KCNJ8: variants seen among roughly 807,000 people sequenced by gnomAD.
KCNJ8 encodes the protein potassium inwardly rectifying channel subfamily J member 8, also known as ATP-sensitive inward rectifier potassium channel 8.
Under a neutral mutation model 28.2 loss-of-function variants are expected in KCNJ8, and 13 were observed. The observed-to-expected ratio is 0.46, with a 90% confidence interval of 0.30 to 0.73. The LOEUF is 0.73. Ranked by LOEUF, KCNJ8 falls within the 30% of genes least tolerant of loss-of-function variation. The probability of loss-of-function intolerance (pLI) is 0.07; values close to 1 mark genes in which losing one functional copy is unlikely to be tolerated. For missense variants in KCNJ8, 284 were observed against 542.6 expected (o/e 0.52, Z 4.73); for synonymous variants, 188 against 195.9 (o/e 0.96, Z 0.34).
intron 2 of KCNJ8, among the ~76,000 whole-genome samples, chr12:21,770,687 C>T (rs1040287856): frequency 1.3e-5 from 2 of 152,304 alleles, no homozygotes; most frequent in East Asian, 3.9e-4. Flanking sequence ...TGATTTACTC[C>T]CATATGGGAA....
Position 21,765,802 on chromosome 12 carries a change from C to T in KCNJ8, c.1196G>A (p.Arg399Gln), listed in dbSNP as rs142014286. The T allele has an allele frequency of 7.4e-6, 12 of 1,613,898 alleles. No individual in the cohort carries two copies. Among genetic ancestry groups the T allele is most frequent in the African/African-American group, 5.3e-5 (4 of 74,902 alleles). ...NNSMRRNNSI[R>Q]RNNSSLMVPK... ...TACCATGAGGGAAGAATTGTTCCTT[C>T]GGATAGAATTGTTCCTCCTCATGGA... Residue 399 changes from arginine (R) to glutamine (Q), a missense_variant, in exon 3 of 3, where the codon CGA becomes CAA. Arg to Gln is a conservative substitution (Grantham distance 43). This residue lies in a region of KCNJ8 where 50 missense variants were observed against 55.9 expected (regional missense o/e 0.90). Coordinates refer to ENST00000240662, the MANE Select transcript of KCNJ8 (RefSeq NM_004982.4).
At position 21,773,348 on chromosome 12, in the gene KCNJ8, A is replaced by G; in HGVS notation, c.269T>C (p.Met90Thr). Residue 90 changes from methionine to threonine, a missense_variant, in exon 2 of 3, where the codon ATG becomes ACG. By Grantham distance (81) the Met-to-Thr change is moderately conservative (BLOSUM62 -1). Around this residue, in one of 8 missense-constraint regions of KCNJ8, gnomAD observed 42 missense variants for 50.9 expected, o/e 0.83. Coordinates refer to ENST00000240662, the MANE Select transcript of KCNJ8 (RefSeq NM_004982.4). The surrounding 1 kb of genome is among the most constrained non-coding windows in gnomAD (Gnocchi z 4.6). Reference protein sequence around the residue: ...FLCSWLLFAIMWWLVAFAHGD... With the variant: ...FLCSWLLFAITWWLVAFAHGD... ...ATGGGCAAAGGCCACCAGCCACCACATGATAGCGAAGAGCAGCCAGCTGCA... is the reference window on the plus strand; with the variant it reads ...ATGGGCAAAGGCCACCAGCCACCACGTGATAGCGAAGAGCAGCCAGCTGCA... 4 of 1,614,238 alleles carry G rather than the reference A, an allele frequency of 2.5e-6. No individual in the cohort carries two copies. The highest frequency in any genetic ancestry group is 2.2e-5 in the East Asian group (1 of 44,876).
intron 2 of KCNJ8, among the ~76,000 whole-genome samples, chr12:21,767,130 C>A (rs964560069): frequency 6.6e-6 from 1 of 152,040 alleles, no homozygotes; most frequent in Admixed American, 6.6e-5. Flanking sequence ...TCTTTAAAAT[C>A]ATATTCATTA....
chr12:21,773,162 AAC>A lies in KCNJ8; in HGVS notation c.374+79_374+80del, dbSNP rs1940800150. The A allele has an allele frequency of 2.7e-6, 4 of 1,481,186 alleles. No individual in the cohort carries two copies. The highest frequency in any genetic ancestry group is 3.7e-6 in the Non-Finnish European group (4 of 1,071,348). 91.8% of individuals were successfully genotyped at this position (1,481,186 alleles called of 1,614,324 possible). A position where few individuals can be genotyped will look rare whatever the true frequency, so the allele number is the denominator to read the frequency against. ...CCCTTTATTTCACTTTCAATTAAAT[AAC>A]AGAATGATAAGAGAAAGGGCATTTT... On this transcript the variant is annotated intron_variant, in intron 2 of 2. Transcript: ENST00000240662. The surrounding 1 kb of genome is among the most constrained non-coding windows in gnomAD (Gnocchi z 4.6).
intron 2 of KCNJ8, among the ~76,000 whole-genome samples, chr12:21,770,355 A>T (rs1396837333): frequency 6.6e-6 from 1 of 152,240 alleles, no homozygotes; most frequent in Non-Finnish European, 1.5e-5. Context: ...TTACAATATA[A>T]TATAAATGTT....
chr12:21,773,757 A>T lies in KCNJ8; in HGVS notation c.-70-71T>A. ...CCTCACCTCTTGGGTCCTTGTATTC[A>T]AGGATATGTCTGTACATGTGCGAGG... is the stretch of plus-strand genomic sequence containing the variant. On this transcript the variant is annotated intron_variant, in intron 1 of 2. Transcript: ENST00000240662. This position sits in a 1 kb window ranked among gnomAD's most constrained non-coding sequence, Gnocchi z 4.6. 1 of 1,161,532 alleles carries T rather than the reference A, an allele frequency of 8.6e-7. No homozygotes were observed. Among genetic ancestry groups the T allele is most frequent in the East Asian group, 2.3e-5 (1 of 42,666 alleles). 72.0% of individuals were successfully genotyped at this position (1,161,532 alleles called of 1,614,324 possible).
intron 2 of KCNJ8, among the ~76,000 whole-genome samples, chr12:21,772,550 T>C (rs375632330): frequency 2.6e-5 from 4 of 152,194 alleles, no homozygotes; most frequent in Non-Finnish European, 4.4e-5. Context: ...ATTTAAACTT[T>C]GAAAGAAGAG....
intron 1 of KCNJ8, among the ~76,000 whole-genome samples, 151 bp downstream of exon 1, chr12:21,774,395 C>G (rs1411347976): frequency 6.7e-6 from 1 of 149,930 alleles, no homozygotes; most frequent in Non-Finnish European, 1.5e-5. Context: ...GGAAAAAACC[C>G]AAGACAACAG....
chr12:21,769,112 A>G (rs1397501513), intron 2 of KCNJ8, among the ~76,000 whole-genome samples: 1 of 152,232 alleles, frequency 6.6e-6, no homozygotes, highest in Non-Finnish European at 1.5e-5. Context: ...ATAGAAGTCA[A>G]TGCTTGGCTT....
chr12:21,766,880 A>G lies in KCNJ8; in HGVS notation c.375-257T>C, dbSNP rs1354584823. Among the ~76,000 whole-genome samples, 2 of 152,192 alleles carry G rather than the reference A, an allele frequency of 1.3e-5. No individual in the cohort carries two copies. The highest frequency in any genetic ancestry group is 2.4e-5 in the African/African-American group (1 of 41,466). On this transcript the variant is annotated intron_variant, in intron 2 of 2. Transcript: ENST00000240662. This position sits in a 1 kb window ranked among gnomAD's most constrained non-coding sequence, Gnocchi z 6.5. ...TTCCCTTAAGCTAAGGCCTAATTCT[A>G]TTAACATTCTATTAATGTTTCATAG...
At position 21,767,318 on chromosome 12, in the gene KCNJ8, C is replaced by G. The variant is rs938186976; in HGVS notation, c.375-695G>C. On this transcript the variant is annotated intron_variant, in intron 2 of 2. Coordinates refer to ENST00000240662, the MANE Select transcript of KCNJ8 (RefSeq NM_004982.4). ...AGTCAGGGGTCCCCAACCCCCCCCC[C>G]CCCCACCTCCAGGCCAGGGACCAGT... Among the ~76,000 whole-genome samples the G allele has an allele frequency of 4.7e-4, 56 of 119,008 alleles. 1 individual carries two copies. The East Asian group carries it at 5.3e-3, about 11-fold the overall frequency. The allele number at this position is 119,008 out of a possible 152,430, so 78.1% of individuals were successfully genotyped here.
chr12:21,767,318 CCCCCA>C (rs1315191816), intron 2 of KCNJ8, among the ~76,000 whole-genome samples: 53 of 119,000 alleles, frequency 4.5e-4, no homozygotes, highest in African/African-American at 1.7e-3. Flanking sequence ...ACCCCCCCCC[CCCCCA>C]CCTCCAGGCC....
intron 2 of KCNJ8, among the ~76,000 whole-genome samples, chr12:21,767,022 T>C (rs952348694): frequency 1.3e-5 from 2 of 152,218 alleles, no homozygotes; most frequent in African/African-American, 4.8e-5. Context: ...TGTAAAACTT[T>C]CTACCAGGTA....
chr12:21,772,891 A>C (rs1017687402), intron 2 of KCNJ8, among the ~76,000 whole-genome samples: 3 of 152,200 alleles, frequency 2.0e-5, no homozygotes, highest in Admixed American at 6.5e-5. Context: ...GTGGGCACTG[A>C]AACTATGGAC....
rs758409229 is a variant in KCNJ8 at position 21,773,202 on chromosome 12, C to T, written c.374+41G>A. The stretch of plus-strand genomic sequence containing the variant: ...GAAAGGGCATTTTGACATTTTTTCT[C>T]TACTGTTTTCAACCCCTGCCTCATC... On this transcript the variant is annotated intron_variant, in intron 2 of 2. Coordinates refer to ENST00000240662, the MANE Select transcript of KCNJ8 (RefSeq NM_004982.4). The surrounding 1 kb of genome is among the most constrained non-coding windows in gnomAD (Gnocchi z 4.6). The T allele has an allele frequency of 4.7e-5, 75 of 1,605,372 alleles. 1 individual carries two copies. The South Asian group carries it at 6.0e-4, about 13-fold the overall frequency.
In KCNJ8 at chr12:21,765,616, A is replaced by G; in HGVS notation, c.*107T>C. 2 of 971,944 alleles carry G rather than the reference A, an allele frequency of 2.1e-6. No homozygotes were observed. The highest frequency in any genetic ancestry group is 2.8e-4 in the Middle Eastern group (1 of 3,554). 60.2% of individuals were successfully genotyped at this position (971,944 alleles called of 1,614,324 possible). A position where few individuals can be genotyped will look rare whatever the true frequency, so the allele number is the denominator to read the frequency against. Reference sequence around the variant, plus strand: ...GAATATGAATATCATTTAGTGTAATAAAATGTAGAAGGACACATTATTGTG... The same window carrying G: ...GAATATGAATATCATTTAGTGTAATGAAATGTAGAAGGACACATTATTGTG... On this transcript the variant is annotated 3_prime_UTR_variant, in exon 3 of 3. Coordinates refer to ENST00000240662, the MANE Select transcript of KCNJ8 (RefSeq NM_004982.4).
At position 21,765,630 on chromosome 12, in the gene KCNJ8, CA is replaced by C; in HGVS notation, c.*92del. The C allele has an allele frequency of 1.9e-6, 2 of 1,035,354 alleles. No individual in the cohort carries two copies. The highest frequency in any genetic ancestry group is 2.5e-5 in the South Asian group (2 of 78,510). The allele number at this position is 1,035,354 out of a possible 1,614,324, so 64.1% of individuals were successfully genotyped here. On this transcript the variant is annotated 3_prime_UTR_variant, in exon 3 of 3. Coordinates refer to ENST00000240662, the MANE Select transcript of KCNJ8 (RefSeq NM_004982.4). ...TTTAGTGTAATAAAATGTAGAAGGA[CA>C]CATTATTGTGTTCCAGCTCTGGTTC...
At chr12:21,767,324 C>A (rs1270161397) in intron 2 of KCNJ8, among the ~76,000 whole-genome samples, 2 of 103,596 alleles carry the variant, frequency 1.9e-5, no homozygotes, top group Non-Finnish European at 3.7e-5. Flanking sequence ...CCCCCCCCCA[C>A]CTCCAGGCCA....
intron 2 of KCNJ8, among the ~76,000 whole-genome samples, chr12:21,772,719 G>T (rs1940791302): frequency 6.6e-6 from 1 of 152,146 alleles, no homozygotes; most frequent in Non-Finnish European, 1.5e-5. Context: ...ATAAAGAAGG[G>T]ATGATATTTA....
Sources: gnomAD v4.1 joint callset for allele counts (sites outside exome capture counted in the v4.1 genomes callset) on GRCh38, gnomAD v4.1.1 for gene constraint, gnomAD v4.1.1 regional missense constraint, Gnocchi (gnomAD v3.1) non-coding constraint, MANE v1.5 for transcripts, NCBI Gene and HGNC (gene_info 2026-07-23, HGNC 2026-07-21) for gene names.